The following DUSP4 variants were observed in gnomAD, a reference collection of about 807,000 sequenced individuals.
The protein encoded by DUSP4 is dual specificity phosphatase 4.
Under a neutral mutation model 27.2 loss-of-function variants are expected in DUSP4, and 12 were observed. That is an observed-to-expected ratio of 0.44 (90% CI 0.28 to 0.71). The LOEUF is 0.71. DUSP4 is among the 30% of genes least tolerant of loss of function. The pLI is 0.14. For missense variants in DUSP4, 448 were observed against 551.3 expected (o/e 0.81, Z 1.88); for synonymous variants, 257 against 245.2 (o/e 1.05, Z -0.45).
Position 29,334,602 on chromosome 8 carries a change from G to C in DUSP4, c.*2424C>G, listed in dbSNP as rs897383410. 1 of 152,214 alleles carries C rather than the reference G, an allele frequency of 6.6e-6. No individual in the cohort carries two copies. The highest frequency in any genetic ancestry group is 1.5e-5 in the Non-Finnish European group (1 of 68,062). The allele number at this position is 152,214 out of a possible 1,614,324, so 9.4% of individuals were successfully genotyped here. ...AAAGCAGGACTGTTTTAGCAAACGT[G>C]TACTCGTTCTATAAAAATGGAATCT... On this transcript the variant is annotated 3_prime_UTR_variant, in exon 4 of 4. Coordinates refer to ENST00000240100, the MANE Select transcript of DUSP4 (RefSeq NM_001394.7).
At position 29,338,429 on chromosome 8, in the gene DUSP4, C is replaced by T; in HGVS notation, c.652G>A (p.Asp218Asn). The T allele has an allele frequency of 6.2e-7, 1 of 1,614,146 alleles. No individual in the cohort carries two copies. The highest frequency in any genetic ancestry group is 8.5e-7 in the Non-Finnish European group (1 of 1,180,036). ...AYHAARRDML[D>N]ALGITALLNV... The stretch of plus-strand genomic sequence containing the variant: ...AACAGAGCCGTGATGCCCAGGGCGT[C>T]CAGCATGTCTCTCCGGGCAGCATGG... The change falls in exon 3 of 4, where the codon GAC becomes AAC. Residue 218 changes from aspartate to asparagine, a missense_variant. By Grantham distance (23) the Asp-to-Asn change is conservative. This residue lies in a region of DUSP4 where 345 missense variants were observed against 394.0 expected (regional missense o/e 0.88). Coordinates refer to ENST00000240100, the MANE Select transcript of DUSP4 (RefSeq NM_001394.7).
chr8:29,340,165 A>C lies in DUSP4; in HGVS notation c.512T>G (p.Val171Gly), dbSNP rs1224268287. 3.1e-6 allele frequency: 5 copies of C among 1,611,562 alleles called. No individual in the cohort carries two copies. In the Admixed American group the frequency reaches 6.7e-5, roughly 22 times the overall value. Residue 171 changes from valine (V) to glycine (G), a missense_variant, in exon 2 of 4, where the codon GTT becomes GGT. Coordinates refer to ENST00000240100, the MANE Select transcript of DUSP4 (RefSeq NM_001394.7). Reference sequence around the variant, plus strand: ...CAAGGGCTCTGTGGCACTGGGGGGAACCGGGGGTGGGATGGCTGCCAGGGC... The same window carrying C: ...CAAGGGCTCTGTGGCACTGGGGGGACCCGGGGGTGGGATGGCTGCCAGGGC... Reference protein sequence around the residue: ...TKALAAIPPPVPPSATEPLDL... With the variant: ...TKALAAIPPPGPPSATEPLDL...
Position 29,338,404 on chromosome 8 carries a change from A to G in DUSP4, c.677T>C (p.Leu226Ser). The G allele has an allele frequency of 6.2e-7, 1 of 1,614,174 alleles. No individual in the cohort carries two copies. Among genetic ancestry groups the G allele is most frequent in the Non-Finnish European group, 8.5e-7 (1 of 1,180,030 alleles). Residue 226 changes from leucine (L) to serine (S), a missense_variant, in exon 3 of 4, where the codon TTG (leucine) becomes TCG (serine). By Grantham distance (145) the Leu-to-Ser change is moderately radical (BLOSUM62 -2). This residue lies in a region of DUSP4 where 345 missense variants were observed against 394.0 expected (regional missense o/e 0.88). Coordinates refer to ENST00000240100, the MANE Select transcript of DUSP4 (RefSeq NM_001394.7). ...GTTTGGGCAGTCCGAGGAGACATTC[A>G]ACAGAGCCGTGATGCCCAGGGCGTC... ...MLDALGITAL[L>S]NVSSDCPNHF...
chr8:29,345,315 A>G (rs1817714938), intron 1 of DUSP4: 2 of 1,595,130 alleles, frequency 1.3e-6, no homozygotes, highest in South Asian at 1.1e-5. Context: ...TGACTTAGTA[A>G]GCACCTATGT....
chr8:29,345,824 G>A, intron 1 of DUSP4: 1 of 1,156,168 alleles, frequency 8.6e-7, no homozygotes, highest in East Asian at 5.6e-5. Context: ...AATGTAAATG[G>A]TGTCTAACAT....
At chr8:29,340,380 G>A (rs887493475) in intron 1 of DUSP4, 137 bp from the exon 2 acceptor site, 19 of 1,103,172 alleles carry the variant, frequency 1.7e-5, no homozygotes, top group Non-Finnish European at 2.1e-5. Flanking sequence ...ACTAGGTGGC[G>A]CTGTGGACCT....
chr8:29,342,896 G>A lies in DUSP4; in HGVS notation c.434-2653C>T, dbSNP rs924626388. ...AAAATGAACAAGGTGAGCTGGGCGCGGTGGCTCACGCCTGTAATCCCAGCA... is the reference window on the plus strand; with the variant it reads ...AAAATGAACAAGGTGAGCTGGGCGCAGTGGCTCACGCCTGTAATCCCAGCA... On this transcript the variant is annotated intron_variant, in intron 1 of 3. Transcript: ENST00000240100. 2.0e-4 allele frequency among the ~76,000 whole-genome samples: 30 copies of A among 152,190 alleles called. 1 individual carries two copies. Among genetic ancestry groups the A allele is most frequent in the Admixed American group, 6.5e-4 (10 of 15,286 alleles).
chr8:29,344,240 T>C (rs1263337076), intron 1 of DUSP4, among the ~76,000 whole-genome samples: 1 of 152,246 alleles, frequency 6.6e-6, no homozygotes, highest in African/African-American at 2.4e-5. Flanking sequence ...CTTATTTGCG[T>C]GTCAGTTTTG....
intron 1 of DUSP4, among the ~76,000 whole-genome samples, chr8:29,347,475 A>G (rs1303116049): frequency 6.6e-6 from 1 of 152,220 alleles, no homozygotes; most frequent in African/African-American, 2.4e-5. Context: ...GTTCACCACA[A>G]CAGAGCAGGC....
rs1817559603 is a variant in DUSP4 at position 29,335,516 on chromosome 8, T to C, written c.*1510A>G. 1 of 152,242 alleles carries C rather than the reference T, an allele frequency of 6.6e-6. No homozygotes were observed. The highest frequency in any genetic ancestry group is 1.5e-5 in the Non-Finnish European group (1 of 68,044). 9.4% of individuals were successfully genotyped at this position (152,242 alleles called of 1,614,324 possible). On this transcript the variant is annotated 3_prime_UTR_variant, in exon 4 of 4. Coordinates refer to ENST00000240100, the MANE Select transcript of DUSP4 (RefSeq NM_001394.7). ...CCACACTTCGAGAAGACCTGAAATG[T>C]GGTGTCCATTCCCCTCTTTATTCAA...
In DUSP4 at chr8:29,335,924, G is replaced by C. The variant is rs1201347577; in HGVS notation, c.*1102C>G. On this transcript the variant is annotated 3_prime_UTR_variant, in exon 4 of 4. Transcript: ENST00000240100. ...ACTTACTGTGGTCTAAAATTGCTTC[G>C]GTGGCCTACATGCCCATGAACCAGC... 2.6e-5 allele frequency: 4 copies of C among 152,214 alleles called. No individual in the cohort carries two copies. The East Asian group carries it at 7.7e-4, about 29-fold the overall frequency. 9.4% of individuals were successfully genotyped at this position (152,214 alleles called of 1,614,324 possible). A position where few individuals can be genotyped will look rare whatever the true frequency, so the allele number is the denominator to read the frequency against.
intron 1 of DUSP4, among the ~76,000 whole-genome samples, chr8:29,344,450 C>T (rs1474729826): frequency 6.6e-6 from 1 of 152,140 alleles, no homozygotes; most frequent in Non-Finnish European, 1.5e-5. Context: ...CTGTTTTTCC[C>T]ATGTCCTTAT....
chr8:29,348,574 T>A, intron 1 of DUSP4: 1 of 985,554 alleles, frequency 1.0e-6, no homozygotes, highest in Non-Finnish European at 1.2e-6. Flanking sequence ...AGGAAACAAC[T>A]GCGGGGAACA....
intron 1 of DUSP4, chr8:29,345,585 G>T: frequency 6.6e-7 from 1 of 1,508,602 alleles, no homozygotes; most frequent in South Asian, 1.4e-5. Flanking sequence ...TCGGCTCTCT[G>T]GTTTCAGATG....
rs777672935 is a variant in DUSP4, at chr8:29,336,810, C to T, written c.*216G>A. 4 of 582,760 alleles carry T rather than the reference C, an allele frequency of 6.9e-6. No individual in the cohort carries two copies. The highest frequency in any genetic ancestry group is 3.8e-5 in the Admixed American group (1 of 26,554). The allele number at this position is 582,760 out of a possible 1,614,324, so 36.1% of individuals were successfully genotyped here. A position where few individuals can be genotyped will look rare whatever the true frequency, so the allele number is the denominator to read the frequency against. On this transcript the variant is annotated 3_prime_UTR_variant, in exon 4 of 4. Transcript: ENST00000240100. The stretch of plus-strand genomic sequence containing the variant: ...GGTCTTCCCTGGCTGCTGCGGCAGC[C>T]GTTATTGCTCTAAGTTGGAGTGTTC...
intron 1 of DUSP4, 133 bp from the exon 2 acceptor site, chr8:29,340,376 T>C: frequency 1.7e-6 from 2 of 1,154,858 alleles, no homozygotes; most frequent in South Asian, 1.7e-5. Flanking sequence ...GGCCACTAGG[T>C]GGCGCTGTGG....
At chr8:29,345,130 T>C (rs1406007419) in intron 1 of DUSP4, among the ~76,000 whole-genome samples, 3 of 152,184 alleles carry the variant, frequency 2.0e-5, no homozygotes, top group African/African-American at 7.2e-5. Flanking sequence ...GCCTTGGTCA[T>C]GAATCTTAAT....
Position 29,337,142 on chromosome 8 carries a change from G to A in DUSP4, c.1069C>T (p.Pro357Ser). 1 of 1,611,260 alleles carries A rather than the reference G, an allele frequency of 6.2e-7. No individual in the cohort carries two copies. The highest frequency in any genetic ancestry group is 8.5e-7 in the Non-Finnish European group (1 of 1,178,886). The part of the protein sequence containing the change: ...SGPLRERGKT[P>S]ATPTSQFVFS... ...ACGAACTGCGAGGTGGGGGTGGCGGGGGTCTTGCCCCGCTCCCGCAGGGGT... is the reference window on the plus strand; with the variant it reads ...ACGAACTGCGAGGTGGGGGTGGCGGAGGTCTTGCCCCGCTCCCGCAGGGGT... The change falls in exon 4 of 4, where the codon CCC becomes TCC. Residue 357 changes from proline (P) to serine (S), a missense_variant. Around this residue, in one of 3 missense-constraint regions of DUSP4, gnomAD observed 100 missense variants for 139.8 expected, o/e 0.72. Coordinates refer to ENST00000240100, the MANE Select transcript of DUSP4 (RefSeq NM_001394.7). The surrounding 1 kb of genome is among the most constrained non-coding windows in gnomAD (Gnocchi z 6.4).
At chr8:29,349,595 G>A (rs1425460322) in intron 1 of DUSP4, among the ~76,000 whole-genome samples, 5 of 152,188 alleles carry the variant, frequency 3.3e-5, no homozygotes, top group African/African-American at 1.2e-4. Flanking sequence ...GTCAATAAAC[G>A]GGGCCTCGCT....
Sources: allele counts gnomAD v4.1 joint callset (sites outside exome capture counted in the v4.1 genomes callset), GRCh38; gene constraint gnomAD v4.1.1; regional missense constraint gnomAD v4.1.1; non-coding constraint Gnocchi (gnomAD v3.1); transcripts MANE v1.5; gene names NCBI Gene and HGNC (gene_info 2026-07-23, HGNC 2026-07-21).